HNRNPM: variants seen among roughly 807,000 people sequenced by gnomAD.
HNRNPM encodes the protein heterogeneous nuclear ribonucleoprotein M, also known as CEA receptor.
In HNRNPM, 11 loss-of-function variants were observed where a neutral mutation model predicts 73.1. That is an observed-to-expected ratio of 0.15 (90% CI 0.09 to 0.25). The LOEUF (loss-of-function observed/expected upper bound fraction) is 0.25, where lower values mean the gene tolerates loss of function less well. Ranked by LOEUF, HNRNPM falls within the 10% of genes least tolerant of loss-of-function variation. The probability of loss-of-function intolerance (pLI) is 1.00; values close to 1 mark genes in which losing one functional copy is unlikely to be tolerated. For synonymous variants in HNRNPM, 407 were observed against 355.2 expected, an observed-to-expected ratio of 1.15 and a Z score of -1.64; for missense variants, 789 against 1,067.9, an observed-to-expected ratio of 0.74 and a Z score of 3.64.
rs772818776 is a variant in HNRNPM, at chr19:8,486,374, C to T, written c.1946C>T (p.Ala649Val). ...GCTGGAGGCCATGCTCCTGGGGTGG[C>T]CAGGAAGGCCTGCCAGATATTTGTG... is the stretch of plus-strand genomic sequence containing the variant. ...GGAGGHAPGV[A>V]RKACQIFVRN... The change falls in exon 14 of 16, where the codon GCC becomes GTC. Residue 649 changes from alanine (A) to valine (V), a missense_variant. Ala to Val is a moderately conservative substitution (Grantham distance 64). Transcript: ENST00000325495. The T allele has an allele frequency of 1.3e-6, 2 of 1,575,606 alleles. No homozygotes were observed. The highest frequency in any genetic ancestry group is 1.7e-6 in the Non-Finnish European group (2 of 1,167,480).
intron 1 of HNRNPM, among the ~76,000 whole-genome samples, chr19:8,450,724 A>ATTTT (rs1187609164): frequency 4.4e-5 from 2 of 45,814 alleles, no homozygotes; most frequent in Non-Finnish European, 1.0e-4. Context: ...TATTATTATT[A>ATTTT]TTATTTTTTT....
intron 1 of HNRNPM, among the ~76,000 whole-genome samples, chr19:8,447,063 C>G (rs1318535946): frequency 6.6e-6 from 1 of 152,106 alleles, no homozygotes; most frequent in African/African-American, 2.4e-5. Context: ...TCCCTTTTCC[C>G]CTGTCCATTT....
intron 12 of HNRNPM, chr19:8,481,492 A>C (rs1267171540): frequency 7.3e-6 from 1 of 137,918 alleles, no homozygotes; most frequent in East Asian, 2.3e-4. Context: ...TGCCGATGGG[A>C]GAATTCCGCC....
At chr19:8,459,866 A>G (rs905906317) in intron 2 of HNRNPM, among the ~76,000 whole-genome samples, 1 of 152,212 alleles carries the variant, frequency 6.6e-6, no homozygotes, top group Non-Finnish European at 1.5e-5. Flanking sequence ...TTCTTAGAGC[A>G]TTTTAAATAG....
chr19:8,487,137 C>A, intron 15 of HNRNPM, 62 bp downstream of exon 15: 1 of 1,428,708 alleles, frequency 7.0e-7, no homozygotes, highest in Non-Finnish European at 9.9e-7. Context: ...GCAGCCGAGT[C>A]AGCAGCAAAA....
chr19:8,477,584 C>T (rs543525559), intron 12 of HNRNPM, among the ~76,000 whole-genome samples: 1 of 146,102 alleles, frequency 6.8e-6, no homozygotes, highest in African/African-American at 2.6e-5. Context: ...CCCAGGAGGT[C>T]GAGGCTGCAG....
At chr19:8,472,855 T>C (rs1385505013) in intron 10 of HNRNPM, among the ~76,000 whole-genome samples, 1 of 152,264 alleles carries the variant, frequency 6.6e-6, no homozygotes, top group Non-Finnish European at 1.5e-5. Flanking sequence ...GTGCTGGGAT[T>C]ACAGGCGTGA....
chr19:8,473,079 A>C (rs1970264611), intron 10 of HNRNPM, among the ~76,000 whole-genome samples: 1 of 152,042 alleles, frequency 6.6e-6, no homozygotes, highest in Admixed American at 6.6e-5. Context: ...CATAGACTCC[A>C]TCTCTACAAA....
intron 2 of HNRNPM, among the ~76,000 whole-genome samples, chr19:8,459,210 G>C (rs2145643544): frequency 6.6e-6 from 1 of 152,260 alleles, no homozygotes; most frequent in South Asian, 2.1e-4. Flanking sequence ...TACAGGCCTG[G>C]CCGCAGCCTG....
At chr19:8,467,606 C>G (rs1222119645) in intron 8 of HNRNPM, 22 bp downstream of exon 8, 1 of 1,545,706 alleles carries the variant, frequency 6.5e-7, no homozygotes, top group South Asian at 1.1e-5. Flanking sequence ...GGATCTTTCT[C>G]TGTGATATAC....
At chr19:8,463,078 T>C (rs1208253750) in intron 3 of HNRNPM, among the ~76,000 whole-genome samples, 1 of 152,210 alleles carries the variant, frequency 6.6e-6, no homozygotes, top group African/African-American at 2.4e-5. Context: ...ACATAAACTA[T>C]TTTCTGTCGT....
chr19:8,479,063 CTTTT>C (rs1182276028), intron 12 of HNRNPM, among the ~76,000 whole-genome samples: 1 of 112,134 alleles, frequency 8.9e-6, no homozygotes, highest in Non-Finnish European at 1.9e-5. Context: ...ATTTCCTCCT[CTTTT>C]TTCTTTCTTT....
chr19:8,471,699 A>G (rs1019882855), intron 10 of HNRNPM, among the ~76,000 whole-genome samples: 1 of 152,188 alleles, frequency 6.6e-6, no homozygotes, highest in Non-Finnish European at 1.5e-5. Flanking sequence ...AGAGGAGGCA[A>G]GCCAGAGAGT....
chr19:8,462,207 A>T lies in HNRNPM; in HGVS notation c.284-322A>T. The stretch of plus-strand genomic sequence containing the variant: ...ACCTCCTCCCTTCCCCAGAAAAGTA[A>T]ATCACGCAGACTTCTTTCCTATAGA... On this transcript the variant is annotated intron_variant, in intron 2 of 15. Coordinates refer to ENST00000325495, the MANE Select transcript of HNRNPM (RefSeq NM_005968.5). This position sits in a 1 kb window ranked among gnomAD's most constrained non-coding sequence, Gnocchi z 4.5. The T allele has an allele frequency of 3.5e-6, 1 of 286,492 alleles. No individual in the cohort carries two copies. The highest frequency in any genetic ancestry group is 6.7e-6 in the Non-Finnish European group (1 of 148,602). The allele number at this position is 286,492 out of a possible 1,614,324, so 17.7% of individuals were successfully genotyped here. A position where few individuals can be genotyped will look rare whatever the true frequency, so the allele number is the denominator to read the frequency against.
chr19:8,457,436 G>A (rs761072403), intron 2 of HNRNPM, among the ~76,000 whole-genome samples: 15 of 152,174 alleles, frequency 9.9e-5, no homozygotes, highest in Non-Finnish European at 1.9e-4. Context: ...GAATGCCTGG[G>A]CTCAGCCCTC....
At chr19:8,445,446 C>G (rs1446318020) in intron 1 of HNRNPM, 2 of 225,612 alleles carry the variant, frequency 8.9e-6, no homozygotes, top group East Asian at 1.7e-4. Context: ...TACCCGACCG[C>G]TCCCCGGGAG....
intron 2 of HNRNPM, among the ~76,000 whole-genome samples, chr19:8,457,938 A>G (rs893828290): frequency 1.3e-5 from 2 of 152,198 alleles, no homozygotes; most frequent in Admixed American, 1.3e-4. Flanking sequence ...GTTGTAACCT[A>G]AGCACTCTTT....
At chr19:8,453,810 T>C (rs1968799664) in intron 1 of HNRNPM, among the ~76,000 whole-genome samples, 1 of 152,218 alleles carries the variant, frequency 6.6e-6, no homozygotes, top group African/African-American at 2.4e-5. Flanking sequence ...AGCTGGCAGC[T>C]GAGGAAAGCG....
chr19:8,447,260 CTTT>C (rs33978914), intron 1 of HNRNPM, among the ~76,000 whole-genome samples: 1 of 142,968 alleles, frequency 7.0e-6, no homozygotes, highest in Non-Finnish European at 1.5e-5. Context: ...CTGTGGAAAA[CTTT>C]TTTTTTTTTT....
Sources: allele counts gnomAD v4.1 joint callset (sites outside exome capture counted in the v4.1 genomes callset), GRCh38; gene constraint gnomAD v4.1.1; non-coding constraint Gnocchi (gnomAD v3.1); transcripts MANE v1.5; gene names NCBI Gene and HGNC (gene_info 2026-07-23, HGNC 2026-07-21).